Variants in PCDH9 observed in about 807,000 individuals in gnomAD.
The protein encoded by PCDH9 is protocadherin-9.
Under a neutral mutation model 70.6 loss-of-function variants are expected in PCDH9, and 24 were observed. The observed-to-expected ratio is 0.34, with a 90% CI of 0.25 to 0.48. PCDH9 has a LOEUF of 0.48. Among genes scored for constraint, PCDH9 ranks in the 20% least tolerant of loss-of-function variants. The pLI is 0.99. For missense variants in PCDH9, 1,281 were observed against 1,503.6 expected, an observed-to-expected ratio of 0.85 and a Z score of 2.45; for synonymous variants, 562 against 558.5, an observed-to-expected ratio of 1.01 and a Z score of -0.09.
At chr13:66,737,040 G>T (rs1356078991) in intron 3 of PCDH9, among the ~76,000 whole-genome samples, 1 of 152,008 alleles carries the variant, frequency 6.6e-6, no homozygotes, top group Non-Finnish European at 1.5e-5. Context: ...TGAAACGCAG[G>T]GTAGTGCCTT....
At chr13:66,925,371 T>C (rs541657420) in intron 2 of PCDH9, among the ~76,000 whole-genome samples, 1 of 152,066 alleles carries the variant, frequency 6.6e-6, no homozygotes, top group East Asian at 1.9e-4. Context: ...ATAAAATATT[T>C]TTTTCTCATA....
intron 3 of PCDH9, among the ~76,000 whole-genome samples, chr13:66,636,232 T>C (rs913717987): frequency 1.3e-5 from 2 of 152,158 alleles, no homozygotes; most frequent in African/African-American, 4.8e-5. Flanking sequence ...TAATAAAACA[T>C]ATCCCAATTT....
intron 3 of PCDH9, among the ~76,000 whole-genome samples, chr13:66,661,483 A>ATT (rs1460965285): frequency 6.6e-6 from 1 of 152,186 alleles, no homozygotes; most frequent in Non-Finnish European, 1.5e-5. Context: ...CTTCAGGATC[A>ATT]TTTACTAATT....
chr13:66,312,973 T>C (rs1038211081), intron 4 of PCDH9, among the ~76,000 whole-genome samples: 10 of 152,280 alleles, frequency 6.6e-5, no homozygotes, highest in African/African-American at 1.9e-4. Context: ...AGAGAAGATA[T>C]TGCTATTTGA....
intron 2 of PCDH9, among the ~76,000 whole-genome samples, chr13:67,151,308 A>G (rs551179716): frequency 6.6e-6 from 1 of 152,292 alleles, no homozygotes; most frequent in African/African-American, 2.4e-5. Context: ...ATTGTTTCTT[A>G]ACGTTTGTAT....
At chr13:67,023,305 G>A (rs1444105540) in intron 2 of PCDH9, among the ~76,000 whole-genome samples, 1 of 152,008 alleles carries the variant, frequency 6.6e-6, no homozygotes, top group Non-Finnish European at 1.5e-5. Context: ...ACCACCAACT[G>A]TCATTTGCCT....
chr13:66,781,155 G>A (rs990147186), intron 3 of PCDH9, among the ~76,000 whole-genome samples: 2 of 152,022 alleles, frequency 1.3e-5, no homozygotes, highest in African/African-American at 4.8e-5. Context: ...TTCTAATTGG[G>A]CCAACTTCTA....
intron 2 of PCDH9, among the ~76,000 whole-genome samples, chr13:67,031,766 T>A (rs1331513867): frequency 6.6e-6 from 1 of 152,170 alleles, no homozygotes; most frequent in Non-Finnish European, 1.5e-5. Flanking sequence ...ATTTCCATTA[T>A]TCATATCTGA....
intron 3 of PCDH9, among the ~76,000 whole-genome samples, chr13:66,705,554 T>C (rs2078700335): frequency 6.6e-6 from 1 of 152,226 alleles, no homozygotes; most frequent in African/African-American, 2.4e-5. Flanking sequence ...AGATTTGGTA[T>C]AATGCGTGGC....
chr13:66,719,412 T>G (rs935410243), intron 3 of PCDH9, among the ~76,000 whole-genome samples: 1 of 152,114 alleles, frequency 6.6e-6, no homozygotes, highest in African/African-American at 2.4e-5. Flanking sequence ...TGAGTGAGAT[T>G]AGTGTTATTA....
At chr13:66,385,364 G>A (rs1956911409) in intron 4 of PCDH9, among the ~76,000 whole-genome samples, 1 of 152,072 alleles carries the variant, frequency 6.6e-6, no homozygotes, top group Admixed American at 6.6e-5. Flanking sequence ...TATGTGCACT[G>A]GATATCAGAA....
chr13:66,513,828 T>C (rs868118733), intron 4 of PCDH9, among the ~76,000 whole-genome samples: 1 of 152,024 alleles, frequency 6.6e-6, no homozygotes, highest in Middle Eastern at 3.2e-3. Flanking sequence ...AGTTTGGCAA[T>C]GAGGTAACTT....
At chr13:66,872,800 C>T (rs2081720447) in intron 3 of PCDH9, among the ~76,000 whole-genome samples, 1 of 152,126 alleles carries the variant, frequency 6.6e-6, no homozygotes, top group African/African-American at 2.4e-5. Context: ...TCCTCTACTT[C>T]TCCCTCTAGT....
intron 4 of PCDH9, among the ~76,000 whole-genome samples, chr13:66,613,542 G>C (rs897231137): frequency 6.6e-6 from 1 of 150,948 alleles, no homozygotes; most frequent in East Asian, 1.9e-4. Flanking sequence ...ATGTCTGTAT[G>C]GTTTGTGTGG....
At chr13:66,936,966 A>T (rs566458297) in intron 2 of PCDH9, among the ~76,000 whole-genome samples, 1 of 152,356 alleles carries the variant, frequency 6.6e-6, no homozygotes, top group African/African-American at 2.4e-5. Context: ...GTGGCGCATA[A>T]TTTGGAAAGG....
intron 4 of PCDH9, among the ~76,000 whole-genome samples, chr13:66,572,224 A>T (rs2076743246): frequency 6.6e-6 from 1 of 152,142 alleles, no homozygotes; most frequent in Non-Finnish European, 1.5e-5. Flanking sequence ...TTGTTTTGGG[A>T]ACATTCCAAA....
At chr13:67,122,347 C>A (rs1009292679) in intron 2 of PCDH9, among the ~76,000 whole-genome samples, 1 of 151,962 alleles carries the variant, frequency 6.6e-6, no homozygotes, top group Non-Finnish European at 1.5e-5. Context: ...AGGAATTCAT[C>A]GTTTAAAAAG....
At chr13:66,548,640 G>A (rs1280096168) in intron 4 of PCDH9, among the ~76,000 whole-genome samples, 1 of 151,934 alleles carries the variant, frequency 6.6e-6, no homozygotes, top group Non-Finnish European at 1.5e-5. Context: ...TCTTGCCTTT[G>A]GATTTGGATT....
intron 4 of PCDH9, among the ~76,000 whole-genome samples, chr13:66,317,134 G>T (rs575863128): frequency 6.6e-6 from 1 of 151,968 alleles, no homozygotes. Context: ...CACACACTTT[G>T]CTTTTTTCAT....
Sources: gnomAD v4.1 joint callset for allele counts (sites outside exome capture counted in the v4.1 genomes callset) on GRCh38, gnomAD v4.1.1 for gene constraint, MANE v1.5 for transcripts, NCBI Gene and HGNC (gene_info 2026-07-23, HGNC 2026-07-21) for gene names.